Variants in MPDZ observed in about 807,000 individuals in gnomAD.
MPDZ encodes multiple PDZ domain crumbs cell polarity complex component, also known as multiple PDZ domain protein.
In MPDZ, 234 loss-of-function variants were observed where a neutral mutation model predicts 239.1. The observed-to-expected ratio is 0.98, with a 90% confidence interval of 0.88 to 1.09. The LOEUF (loss-of-function observed/expected upper bound fraction) is 1.09, where lower values mean the gene tolerates loss of function less well. MPDZ is among the 50% of genes least tolerant of loss of function. The pLI, the probability that MPDZ is intolerant of heterozygous loss-of-function variation, is 0.00. For synonymous variants in MPDZ, 1,048 were observed against 881.3 expected (o/e 1.19, Z -3.35); for missense variants, 3,175 against 2,510.0 (o/e 1.26, Z -5.66).
Position 13,220,852 on chromosome 9 carries a change from T to C in MPDZ, c.876+520A>G, listed in dbSNP as rs569846648. Reference sequence around the variant, plus strand: ...AATGTGTTAAATCTTTTCTCACATATATTGCAACAATGTCACATATCATAA... The same window carrying C: ...AATGTGTTAAATCTTTTCTCACATACATTGCAACAATGTCACATATCATAA... On this transcript the variant is annotated intron_variant, in intron 7 of 46. Transcript: ENST00000319217. Among the ~76,000 whole-genome samples, 4 of 152,120 alleles carry C rather than the reference T, an allele frequency of 2.6e-5. No homozygotes were observed. The East Asian group carries it at 7.8e-4, about 30-fold the overall frequency.
intron 3 of MPDZ, 44 bp from the exon 4 acceptor site, chr9:13,224,627 A>C: frequency 7.6e-7 from 1 of 1,310,310 alleles, no homozygotes; most frequent in Admixed American, 2.2e-5. Context: ...ACATTCCATA[A>C]ACTATTTCAT....
intron 1 of MPDZ, among the ~76,000 whole-genome samples, chr9:13,256,357 C>A (rs1439225340): frequency 6.6e-6 from 1 of 152,198 alleles, no homozygotes; most frequent in Non-Finnish European, 1.5e-5. Flanking sequence ...CTATTTTAAT[C>A]CTTCAAGACC....
intron 3 of MPDZ, among the ~76,000 whole-genome samples, chr9:13,240,580 T>TAAAAAAAAA (rs71331533): frequency 9.1e-5 from 4 of 44,012 alleles, no homozygotes; most frequent in African/African-American, 3.5e-4. Flanking sequence ...ATAATAAAAG[T>TAAAAAAAAA]AAAAAAAAAA....
At chr9:13,112,909 T>G (rs192589235) in intron 42 of MPDZ, 102 bp downstream of exon 42, 92 of 1,123,818 alleles carry the variant, frequency 8.2e-5, no homozygotes, top group Non-Finnish European at 1.1e-4. Context: ...ACATACTTTT[T>G]GAGATGAATA....
At chr9:13,117,870 G>C (rs969727397) in intron 39 of MPDZ, among the ~76,000 whole-genome samples, 1 of 142,320 alleles carries the variant, frequency 7.0e-6, no homozygotes, top group African/African-American at 2.6e-5. Context: ...TTGAGATGGA[G>C]TTTCACTCTT....
intron 23 of MPDZ, among the ~76,000 whole-genome samples, chr9:13,159,270 A>G (rs1228054677): frequency 6.6e-6 from 1 of 152,106 alleles, no homozygotes; most frequent in Non-Finnish European, 1.5e-5. Flanking sequence ...TTTTTAAGCT[A>G]TTAGAATAAA....
chr9:13,175,599 A>C (rs979715120), intron 21 of MPDZ, among the ~76,000 whole-genome samples, 153 bp downstream of exon 21: 1 of 152,164 alleles, frequency 6.6e-6, no homozygotes, highest in Non-Finnish European at 1.5e-5. Context: ...CCATTTCAAA[A>C]AAATAATGAG....
intron 11 of MPDZ, 37 bp from the exon 12 acceptor site, chr9:13,205,144 G>C (rs1956849019): frequency 9.1e-7 from 1 of 1,098,350 alleles, no homozygotes; most frequent in Non-Finnish European, 1.3e-6. Flanking sequence ...TTTATCTTTA[G>C]TATAATCAAG....
rs1340664277 is a variant in MPDZ, at chr9:13,190,209, C to T, written c.2059G>A (p.Val687Ile). 1.2e-6 allele frequency: 2 copies of T among 1,613,218 alleles called. No homozygotes were observed. The highest frequency in any genetic ancestry group is 1.1e-5 in the South Asian group (1 of 91,034). Reference sequence around the variant, plus strand: ...TCCCACATGGCCAAAGGTGCTTGAACCTCTTCTGTACTCTGACCCGCATCA... The same window carrying T: ...TCCCACATGGCCAAAGGTGCTTGAATCTCTTCTGTACTCTGACCCGCATCA... ...MTDAGQSTEE[V>I]QAPLAMWEAG... The change falls in exon 16 of 47, where the codon GTT (valine) becomes ATT (isoleucine). Residue 687 changes from valine to isoleucine, a missense_variant. Val to Ile is a conservative substitution (Grantham distance 29). Transcript: ENST00000319217.
rs986137855 is a variant in MPDZ, at chr9:13,110,734, C to T, written c.5731G>A (p.Asp1911Asn). Residue 1911 changes from aspartate (D) to asparagine (N), a missense_variant, in exon 44 of 47, where the codon GAT becomes AAT. Asp to Asn is a conservative substitution (Grantham distance 23). Coordinates refer to ENST00000319217, the MANE Select transcript of MPDZ (RefSeq NM_001378778.1). Reference protein sequence around the residue: ...AAQTQKLRVGDRIVTICGTST... With the variant: ...AAQTQKLRVGNRIVTICGTST... Reference sequence around the variant, plus strand: ...GTGCCACAGATGGTGACAATCCTATCCCCAACCTGCAAGGGAGAGAAAGAA... The same window carrying T: ...GTGCCACAGATGGTGACAATCCTATTCCCAACCTGCAAGGGAGAGAAAGAA... The T allele has an allele frequency of 1.2e-6, 2 of 1,612,184 alleles. No homozygotes were observed. The highest frequency in any genetic ancestry group is 1.7e-6 in the Non-Finnish European group (2 of 1,179,078).
intron 1 of MPDZ, among the ~76,000 whole-genome samples, chr9:13,269,061 G>A (rs1399237862): frequency 6.6e-6 from 1 of 151,840 alleles, no homozygotes; most frequent in Non-Finnish European, 1.5e-5. Context: ...GAAGGTAATG[G>A]CAAGAAAAAA....
chr9:13,111,566 G>T (rs1942477412), intron 43 of MPDZ, among the ~76,000 whole-genome samples: 2 of 152,230 alleles, frequency 1.3e-5, no homozygotes, highest in South Asian at 4.1e-4. Context: ...TCAGCTTTGA[G>T]GCAAGTTGCA....
In MPDZ at chr9:13,181,151, T is replaced by C. The variant is rs893632828; in HGVS notation, c.2649+2267A>G. The stretch of plus-strand genomic sequence containing the variant: ...ATCACATAGTTAGCAAAGTCAAAAA[T>C]CTAAGGAATTGCTGAGATCCTCACA... On this transcript the variant is annotated intron_variant, in intron 19 of 46. Coordinates refer to ENST00000319217, the MANE Select transcript of MPDZ (RefSeq NM_001378778.1). Among the ~76,000 whole-genome samples the C allele has an allele frequency of 2.6e-5, 4 of 152,262 alleles. No individual in the cohort carries two copies. The East Asian group carries it at 7.7e-4, about 29-fold the overall frequency.
chr9:13,148,691 T>C (rs1948752088), intron 25 of MPDZ, among the ~76,000 whole-genome samples: 1 of 140,134 alleles, frequency 7.1e-6, no homozygotes, highest in African/African-American at 2.9e-5. Context: ...ATGTTAATTA[T>C]CTTTGCTCAA....
At chr9:13,144,272 A>T (rs951685365) in intron 26 of MPDZ, among the ~76,000 whole-genome samples, 12 of 152,010 alleles carry the variant, frequency 7.9e-5, no homozygotes, top group African/African-American at 2.9e-4. Context: ...GAGGCTTTAG[A>T]TAATATTTGA....
intron 3 of MPDZ, among the ~76,000 whole-genome samples, chr9:13,242,897 G>C (rs1023294451): frequency 5.9e-5 from 9 of 152,176 alleles, no homozygotes; most frequent in African/African-American, 9.6e-5. Flanking sequence ...GTCAGTAGCA[G>C]CTCCCGTATC....
chr9:13,274,516 T>C (rs1973720561), intron 1 of MPDZ: 1 of 152,040 alleles, frequency 6.6e-6, no homozygotes, highest in Non-Finnish European at 1.5e-5. Context: ...AGAGTTTGTC[T>C]CCTTTTATTT....
In MPDZ at chr9:13,112,948, A is replaced by C. The variant is rs144590212; in HGVS notation, c.5601+63T>G. On this transcript the variant is annotated intron_variant, in intron 42 of 46. Transcript: ENST00000319217. ...TAAAACCGTAAGAAAGTTAACAAGAAAACACATATGAAGATGTCTCTTAAA... is the reference window on the plus strand; with the variant it reads ...TAAAACCGTAAGAAAGTTAACAAGACAACACATATGAAGATGTCTCTTAAA... 161 of 1,421,364 alleles carry C rather than the reference A, an allele frequency of 1.1e-4. 1 individual carries two copies. The African/African-American group carries it at 1.9e-3, about 17-fold the overall frequency. 88.0% of individuals were successfully genotyped at this position (1,421,364 alleles called of 1,614,324 possible). A position where few individuals can be genotyped will look rare whatever the true frequency, so the allele number is the denominator to read the frequency against.
intron 39 of MPDZ, among the ~76,000 whole-genome samples, chr9:13,118,413 G>C (rs997934122): frequency 1.3e-4 from 20 of 152,154 alleles, no homozygotes; most frequent in African/African-American, 3.6e-4. Flanking sequence ...AAACCTGAGA[G>C]GTGAGTAACA....
Sources: gnomAD v4.1 joint callset for allele counts (sites outside exome capture counted in the v4.1 genomes callset) on GRCh38, gnomAD v4.1.1 for gene constraint, MANE v1.5 for transcripts, NCBI Gene and HGNC (gene_info 2026-07-23, HGNC 2026-07-21) for gene names.